CTNND1: variants seen among roughly 807,000 people sequenced by gnomAD.
CTNND1 encodes the protein catenin delta 1, also known as catenin delta-1.
CTNND1 carries 16 observed loss-of-function variants against 112.1 expected under a neutral mutation model. The observed-to-expected ratio is 0.14, with a 90% CI of 0.10 to 0.22. CTNND1 has a LOEUF of 0.22. Among genes scored for constraint, CTNND1 ranks in the 10% least tolerant of loss-of-function variants. CTNND1 has a pLI of 1.00. For synonymous variants in CTNND1, 420 were observed against 446.5 expected, an observed-to-expected ratio of 0.94 and a Z score of 0.75; for missense variants, 1,008 against 1,257.0, an observed-to-expected ratio of 0.80 and a Z score of 3.00.
intron 1 of CTNND1, among the ~76,000 whole-genome samples, chr11:57,781,450 A>G (rs1188989984): frequency 6.6e-6 from 1 of 151,976 alleles, no homozygotes; most frequent in African/African-American, 2.4e-5. Flanking sequence ...CTTATTTTTC[A>G]TAGTGTACCT....
chr11:57,772,272 C>T (rs1286321002), intron 1 of CTNND1, among the ~76,000 whole-genome samples: 3 of 152,014 alleles, frequency 2.0e-5, no homozygotes, highest in African/African-American at 7.2e-5. Flanking sequence ...TATATTTCTC[C>T]ATCTTCTTAT....
chr11:57,781,216 C>T lies in CTNND1; in HGVS notation c.-213-7821C>T, dbSNP rs551753870. 7.2e-5 allele frequency among the ~76,000 whole-genome samples: 11 copies of T among 152,246 alleles called. 1 individual carries two copies. Among genetic ancestry groups the T allele is most frequent in the Admixed American group, 4.6e-4 (7 of 15,304 alleles). On this transcript the variant is annotated intron_variant, in intron 1 of 20. Transcript: ENST00000399050. ...CCTCCCAAAGTGCTGGGATTACAGG[C>T]GTGAGCAACCGCACCTGGCCGAGAA...
chr11:57,793,886 A>C, intron 3 of CTNND1, 124 bp from the exon 4 acceptor site: 1 of 863,594 alleles, frequency 1.2e-6, no homozygotes, highest in Non-Finnish European at 1.9e-6. Flanking sequence ...GTACTGACAC[A>C]AGGACTCCAG....
Position 57,796,575 on chromosome 11 carries a change from G to A in CTNND1, c.539G>A (p.Arg180His), listed in dbSNP as rs771907778. ...VSNNYIQTLG[R>H]DFRKNGNGGP... is the part of the protein sequence containing the mutation. ...AACAACTATATCCAGACTTTGGGTC[G>A]TGATTTCCGCAAGAATGGCAATGGG... The change falls in exon 6 of 21, where the codon CGT (arginine) becomes CAT (histidine). Residue 180 changes from arginine (R) to histidine (H), a missense_variant. By Grantham distance (29) the Arg-to-His change is conservative. Coordinates refer to ENST00000399050, the MANE Select transcript of CTNND1 (RefSeq NM_001085458.2). 3.3e-5 allele frequency: 53 copies of A among 1,613,990 alleles called. 1 individual carries two copies. In the East Asian group the frequency reaches 1.1e-3, roughly 33 times the overall value.
chr11:57,802,257 C>G, intron 7 of CTNND1, 61 bp downstream of exon 7: 1 of 1,396,374 alleles, frequency 7.2e-7, no homozygotes, highest in Non-Finnish European at 9.8e-7. Context: ...ATGTTGAGAA[C>G]TAGAGGGATT....
chr11:57,806,982 A>G lies in CTNND1; in HGVS notation c.1962A>G (p.Arg654=). ...VDFPKRTSPA[R]GYELLFQPEV... ...TCCCTAAAAGAACGAGTCCAGCTCG[A>G]GGTAAGTTATCTTCTCAGTCTCCAA... is the stretch of plus-strand genomic sequence containing the variant. Residue 654 remains arginine (R), a splice_region_variant and synonymous_variant, in exon 12 of 21, where the codon CGA becomes CGG. Coordinates refer to ENST00000399050, the MANE Select transcript of CTNND1 (RefSeq NM_001085458.2). 3 of 1,594,250 alleles carry G rather than the reference A, an allele frequency of 1.9e-6. No individual in the cohort carries two copies. Among genetic ancestry groups the G allele is most frequent in the Non-Finnish European group, 2.6e-6 (3 of 1,169,402 alleles).
At chr11:57,807,042 T>A in intron 12 of CTNND1, 59 bp downstream of exon 12, 3 of 1,329,718 alleles carry the variant, frequency 2.3e-6, no homozygotes, top group Non-Finnish European at 3.2e-6. Context: ...ATAAGATATT[T>A]AGTAACCTAA....
In CTNND1 at chr11:57,796,636, T is replaced by C; in HGVS notation, c.600T>C (p.Ala200=). Residue 200 remains alanine, a synonymous_variant, in exon 6 of 21, where the codon GCT becomes GCC. Transcript: ENST00000399050. ...PGPYVGQAGT[A]TLPRNFHYPP... is the part of the protein sequence containing the mutation. ...CCTATGTGGGGCAAGCTGGCACTGCTACCCTTCCTAGGAACTTCCACTACC... is the reference window on the plus strand; with the variant it reads ...CCTATGTGGGGCAAGCTGGCACTGCCACCCTTCCTAGGAACTTCCACTACC... 1 of 1,614,030 alleles carries C rather than the reference T, an allele frequency of 6.2e-7. No homozygotes were observed. Among genetic ancestry groups the C allele is most frequent in the Admixed American group, 1.7e-5 (1 of 60,016 alleles).
intron 1 of CTNND1, among the ~76,000 whole-genome samples, chr11:57,763,059 A>G (rs1159082534): frequency 6.6e-6 from 1 of 152,214 alleles, no homozygotes; most frequent in Non-Finnish European, 1.5e-5. Flanking sequence ...ACCAACCTGA[A>G]AGTTGTTTTT....
intron 14 of CTNND1, 63 bp downstream of exon 14, chr11:57,808,603 G>T: frequency 7.1e-7 from 1 of 1,411,490 alleles, no homozygotes; most frequent in Non-Finnish European, 9.4e-7. Flanking sequence ...TCCAGCAGGT[G>T]CCTAATAATT....
At chr11:57,816,158 G>T in intron 20 of CTNND1, 139 bp from the exon 21 acceptor site, 1 of 1,207,930 alleles carries the variant, frequency 8.3e-7, no homozygotes, top group Non-Finnish European at 1.2e-6. Flanking sequence ...TACCTCTTAC[G>T]AGTCTGGGAC....
chr11:57,798,526 T>C (rs980814025), intron 6 of CTNND1, among the ~76,000 whole-genome samples: 3 of 152,252 alleles, frequency 2.0e-5, no homozygotes, highest in East Asian at 3.9e-4. Context: ...TAGGGTCTTA[T>C]TATTTGATTG....
At chr11:57,795,831 A>G in intron 5 of CTNND1, 102 bp downstream of exon 5, 1 of 1,202,758 alleles carries the variant, frequency 8.3e-7, no homozygotes, top group Non-Finnish European at 1.1e-6. Context: ...CTGATATGCC[A>G]TTATTGATCT....
In CTNND1 at chr11:57,808,472, G is replaced by A. The variant is rs900812047; in HGVS notation, c.2174G>A (p.Arg725Gln). The change falls in exon 14 of 21, where the codon CGG (arginine) becomes CAG (glutamine). Residue 725 changes from arginine to glutamine, a missense_variant. By Grantham distance (43) the Arg-to-Gln change is conservative (BLOSUM62 1). This residue lies in a region of CTNND1 where 254 missense variants were observed against 279.5 expected (regional missense o/e 0.91). Coordinates refer to ENST00000399050, the MANE Select transcript of CTNND1 (RefSeq NM_001085458.2). ...IADLLTNEHE[R>Q]VVKAASGALR... is the part of the protein sequence containing the mutation. ...GACCTCCTGACTAATGAACATGAAC[G>A]GGTGGTGAAAGCTGCATCTGGAGCA... is the stretch of plus-strand genomic sequence containing the variant. The A allele has an allele frequency of 1.6e-5, 25 of 1,612,820 alleles. No homozygotes were observed. Among genetic ancestry groups the A allele is most frequent in the Non-Finnish European group, 2.0e-5 (24 of 1,179,468 alleles).
rs2059650137 is a variant in CTNND1, at chr11:57,782,171, G to GT, written c.-213-6865dup. On this transcript the variant is annotated intron_variant, in intron 1 of 20. Coordinates refer to ENST00000399050, the MANE Select transcript of CTNND1 (RefSeq NM_001085458.2). ...CAGCTCAAATTCCTTTTAACAAGGAGTATTATCTTGTTTATATCTTTGTTT... is the reference window on the plus strand; with the variant it reads ...CAGCTCAAATTCCTTTTAACAAGGAGTTATTATCTTGTTTATATCTTTGTTT... Among the ~76,000 whole-genome samples the GT allele has an allele frequency of 2.0e-5, 3 of 152,154 alleles. No homozygotes were observed. The South Asian group carries it at 6.2e-4, about 32-fold the overall frequency.
chr11:57,797,299 T>TG (rs2061443377), intron 6 of CTNND1, among the ~76,000 whole-genome samples: 1 of 149,070 alleles, frequency 6.7e-6, no homozygotes, highest in Non-Finnish European at 1.5e-5. Flanking sequence ...GGTGCCATCT[T>TG]GGCTCACTGC....
intron 18 of CTNND1, among the ~76,000 whole-genome samples, 176 bp downstream of exon 18, chr11:57,814,549 A>G (rs1462802855): frequency 6.6e-6 from 1 of 152,190 alleles, no homozygotes. Flanking sequence ...TGATCCGTCT[A>G]CTTTTTCTAC....
chr11:57,787,349 T>C (rs777472832), intron 1 of CTNND1, among the ~76,000 whole-genome samples: 28 of 152,364 alleles, frequency 1.8e-4, no homozygotes, highest in Non-Finnish European at 3.4e-4. Context: ...AACCTAGTTA[T>C]GTTTTTGATC....
At chr11:57,803,264 C>T (rs548065629) in intron 7 of CTNND1, among the ~76,000 whole-genome samples, 8 of 152,294 alleles carry the variant, frequency 5.3e-5, no homozygotes, top group Non-Finnish European at 1.0e-4. Context: ...CCCGCCACCA[C>T]GCCCGGCTAA....
Sources: gnomAD v4.1 joint callset for allele counts (sites outside exome capture counted in the v4.1 genomes callset) on GRCh38, gnomAD v4.1.1 for gene constraint, gnomAD v4.1.1 regional missense constraint, MANE v1.5 for transcripts, NCBI Gene and HGNC (gene_info 2026-07-23, HGNC 2026-07-21) for gene names.